ABCA9: variants seen among roughly 807,000 people sequenced by gnomAD.
ABCA9 encodes ATP-binding cassette sub-family A member 9.
A neutral mutation model predicts 205.3 loss-of-function variants in ABCA9; 183 were observed. That is an observed-to-expected ratio of 0.89 (90% CI 0.79 to 1.01). The LOEUF is 1.01. ABCA9 is among the 50% of genes least tolerant of loss of function. The probability of loss-of-function intolerance (pLI) is 0.00; values close to 1 mark genes in which losing one functional copy is unlikely to be tolerated. For missense variants in ABCA9, 1,805 were observed against 1,912.4 expected (o/e 0.94, Z 1.05); for synonymous variants, 651 against 683.3 (o/e 0.95, Z 0.74).
chr17:69,029,267 A>T, intron 10 of ABCA9, 40 bp from the exon 11 acceptor site: 2 of 1,315,762 alleles, frequency 1.5e-6, no homozygotes, highest in Non-Finnish European at 2.1e-6. Flanking sequence ...AATTGTAAAA[A>T]TGTGCAGAGG....
chr17:69,049,035 T>A (rs1047603697), intron 3 of ABCA9, among the ~76,000 whole-genome samples: 1 of 152,232 alleles, frequency 6.6e-6, no homozygotes, highest in Non-Finnish European at 1.5e-5. Context: ...AACATACATT[T>A]AAATAACCCT....
rs559779833 is a variant in ABCA9 at position 69,012,334 on chromosome 17, T to C, written c.3040-251A>G. On this transcript the variant is annotated intron_variant, in intron 22 of 38. Coordinates refer to ENST00000340001, the MANE Select transcript of ABCA9 (RefSeq NM_080283.4). ...AAGTGATACGAATTGTCTAAGGTCA[T>C]ACAGTTAATAACTTGTAAGGTAGGC... 185 of 372,820 alleles carry C rather than the reference T, an allele frequency of 5.0e-4. 1 individual carries two copies. Among genetic ancestry groups the C allele is most frequent in the African/African-American group, 3.6e-3 (174 of 48,100 alleles). 23.1% of individuals were successfully genotyped at this position (372,820 alleles called of 1,614,324 possible).
intron 32 of ABCA9, 83 bp from the exon 33 acceptor site, chr17:68,985,211 G>T (rs1468616725): frequency 1.3e-6 from 2 of 1,569,774 alleles, no homozygotes; most frequent in Non-Finnish European, 1.8e-6. Flanking sequence ...GAAACACGAC[G>T]GTGGGGGAGG....
intron 37 of ABCA9, among the ~76,000 whole-genome samples, chr17:68,976,707 C>A (rs1313355185): frequency 6.6e-6 from 1 of 152,244 alleles, no homozygotes; most frequent in Non-Finnish European, 1.5e-5. Context: ...CAGGTCATTG[C>A]TTCCTCTCTT....
chr17:69,016,438 A>G (rs949439483), intron 21 of ABCA9, 48 bp from the exon 22 acceptor site: 1 of 1,494,122 alleles, frequency 6.7e-7, no homozygotes, highest in Non-Finnish European at 8.9e-7. Flanking sequence ...AGCAAAGACA[A>G]AATTTAATGA....
In ABCA9 at chr17:68,989,913, G is replaced by A; in HGVS notation, c.3855C>T (p.Ala1285=). The change falls in exon 30 of 39, where the codon GCC becomes GCT. Residue 1285 remains alanine (A), a synonymous_variant. Coordinates refer to ENST00000340001, the MANE Select transcript of ABCA9 (RefSeq NM_080283.4). ...RDFDETPVII[A]SCLRKEYAGK... is the part of the protein sequence containing the mutation. ...CTGCATATTCCTTCCGTAGACAGCT[G>A]GCAATGATGACGGGTGTCTGTAAAG... is the stretch of plus-strand genomic sequence containing the variant. 1 of 1,610,842 alleles carries A rather than the reference G, an allele frequency of 6.2e-7. No homozygotes were observed. The highest frequency in any genetic ancestry group is 1.3e-5 in the African/African-American group (1 of 74,892).
At chr17:69,063,651 C>A (rs1183547634), upstream of ABCA9, among the ~76,000 whole-genome samples, 1 of 152,114 alleles carries the variant, frequency 6.6e-6, no homozygotes, top group Non-Finnish European at 1.5e-5. Flanking sequence ...CTGCTCACTG[C>A]AAGCTCCGCC....
intron 22 of ABCA9, among the ~76,000 whole-genome samples, chr17:69,014,308 A>G (rs1168877391): frequency 6.6e-6 from 1 of 152,162 alleles, no homozygotes; most frequent in East Asian, 1.9e-4. Context: ...AGAGTTTATT[A>G]AAAACATTGA....
the ABCA9 span, among the ~76,000 whole-genome samples, chr17:69,071,598 A>G: frequency 3.2e-4 from 48 of 152,378 alleles, no homozygotes; most frequent in Admixed American, 1.8e-3. Context: ...GGTCACCAAC[A>G]GCAAAGACCA....
At position 69,013,337 on chromosome 17, in the gene ABCA9, T is replaced by C. The variant is rs2070454289; in HGVS notation, c.3040-1254A>G. On this transcript the variant is annotated intron_variant, in intron 22 of 38. Coordinates refer to ENST00000340001, the MANE Select transcript of ABCA9 (RefSeq NM_080283.4). The stretch of plus-strand genomic sequence containing the variant: ...CTGGTATGATGAGTTTTGAAGTTTC[T>C]TTACTTCTCTGTTCTCTTACTCCCT... Among the ~76,000 whole-genome samples the C allele has an allele frequency of 5.9e-5, 9 of 152,156 alleles. 1 individual carries two copies. The highest frequency in any genetic ancestry group is 5.9e-4 in the Admixed American group (9 of 15,268).
chr17:69,067,300 A>G, the ABCA9 span, among the ~76,000 whole-genome samples: 15 of 152,166 alleles, frequency 9.9e-5, no homozygotes, highest in East Asian at 2.9e-3. Context: ...TAATCCCAGT[A>G]CTTTGCGAGG....
chr17:69,070,649 G>C, the ABCA9 span, among the ~76,000 whole-genome samples: 1 of 152,186 alleles, frequency 6.6e-6, no homozygotes, highest in East Asian at 1.9e-4. Flanking sequence ...TGAGTTTCAA[G>C]CACAAAGCTG....
Position 69,021,792 on chromosome 17 carries a change from A to G in ABCA9, c.2351T>C (p.Leu784Ser). 1 of 1,596,532 alleles carries G rather than the reference A, an allele frequency of 6.3e-7. No individual in the cohort carries two copies. Among genetic ancestry groups the G allele is most frequent in the East Asian group, 2.3e-5 (1 of 44,112 alleles). The change falls in exon 18 of 39, where the codon TTG becomes TCG. Residue 784 changes from leucine to serine, a missense_variant. Coordinates refer to ENST00000340001, the MANE Select transcript of ABCA9 (RefSeq NM_080283.4). ...IEDYGVSITT[L>S]NEVFLKLEGK... ...TTCTAATTTCAGAAACACCTCATTC[A>G]AAGTTGTTATGGAAACACCATAATC...
chr17:69,032,357 A>T (rs1436258304), intron 9 of ABCA9, 81 bp from the exon 10 acceptor site: 2 of 1,321,364 alleles, frequency 1.5e-6, no homozygotes, highest in Non-Finnish European at 2.1e-6. Flanking sequence ...AGCCCCTTTG[A>T]CATTAAACCT....
upstream of ABCA9, among the ~76,000 whole-genome samples, chr17:69,063,446 C>T (rs572946655): frequency 1.1e-4 from 16 of 152,314 alleles, no homozygotes; most frequent in Non-Finnish European, 2.2e-4. Flanking sequence ...AAGGATGAAG[C>T]GGTCCAGCTG....
rs976626390 is a variant in ABCA9, at chr17:69,023,043, C to G, written c.2281+1171G>C. Among the ~76,000 whole-genome samples, 59 of 152,266 alleles carry G rather than the reference C, an allele frequency of 3.9e-4. No homozygotes were observed. The highest frequency in any genetic ancestry group is 1.3e-3 in the African/African-American group (56 of 41,560). On this transcript the variant is annotated intron_variant, in intron 17 of 38. Transcript: ENST00000340001. The surrounding 1 kb of genome is among the most constrained non-coding windows in gnomAD (Gnocchi z 4.2). ...TCTGTTTTTATAAGGATACATATCT[C>G]AAAGATATTGTGTATGCACTGTGAA...
At position 69,032,164 on chromosome 17, in the gene ABCA9, T is replaced by C. The variant is rs2071171649; in HGVS notation, c.1389A>G (p.Thr463=). The C allele has an allele frequency of 6.2e-7, 1 of 1,613,954 alleles. No homozygotes were observed. The highest frequency in any genetic ancestry group is 8.5e-7 in the Non-Finnish European group (1 of 1,179,910). ...VLENETDSDP[T]PNDCFEPVSP... is the part of the protein sequence containing the mutation. ...ACACTGGTTCAAAACAGTCATTAGG[T>C]GTAGGATCAGAATCTGTTTCATTCT... The change falls in exon 10 of 39, where the codon ACA becomes ACG. Residue 463 remains threonine (T), a synonymous_variant. Transcript: ENST00000340001.
chr17:68,976,515 TG>T (rs1239514690), intron 37 of ABCA9, among the ~76,000 whole-genome samples: 2 of 152,320 alleles, frequency 1.3e-5, no homozygotes, highest in African/African-American at 4.8e-5. Flanking sequence ...CCCTCATTCT[TG>T]TCTACTCCAA....
chr17:69,030,025 C>A (rs1302865977), intron 10 of ABCA9, among the ~76,000 whole-genome samples: 5 of 152,146 alleles, frequency 3.3e-5, no homozygotes, highest in African/African-American at 9.7e-5. Flanking sequence ...ACATGTACCC[C>A]TGAACTTAAA....
Sources: allele counts gnomAD v4.1 joint callset (sites outside exome capture counted in the v4.1 genomes callset), GRCh38; gene constraint gnomAD v4.1.1; non-coding constraint Gnocchi (gnomAD v3.1); transcripts MANE v1.5; gene names NCBI Gene and HGNC (gene_info 2026-07-23, HGNC 2026-07-21).